Variants in PLEKHG5 observed in about 807,000 individuals in gnomAD.
PLEKHG5 encodes the protein pleckstrin homology and RhoGEF domain containing G5.
A neutral mutation model predicts 103.8 loss-of-function variants in PLEKHG5; 52 were observed. That is an observed-to-expected ratio of 0.50 (90% CI 0.40 to 0.63). The LOEUF is 0.63. PLEKHG5 is among the 30% of genes least tolerant of loss of function. The probability of loss-of-function intolerance (pLI) is 0.00; values close to 1 mark genes in which losing one functional copy is unlikely to be tolerated. For synonymous variants in PLEKHG5, 592 were observed against 575.5 expected (o/e 1.03, Z -0.41); for missense variants, 1,205 against 1,347.6 (o/e 0.89, Z 1.66).
Position 6,491,154 on chromosome 1 carries a change from G to T in PLEKHG5, c.-88+483C>A, listed in dbSNP as rs1327754543. On this transcript the variant is annotated intron_variant, in intron 1 of 20. Coordinates refer to ENST00000377728, the MANE Select transcript of PLEKHG5 (RefSeq NM_020631.6). The surrounding 1 kb of genome is among the most constrained non-coding windows in gnomAD (Gnocchi z 4.1). ...AAAGGGTGCTGTTCTGCCATTTAGT[G>T]GTTCCCAGTTCCCCTCTCCCAGCAG... Among the ~76,000 whole-genome samples, 1 of 151,734 alleles carries T rather than the reference G, an allele frequency of 6.6e-6. No homozygotes were observed. The highest frequency in any genetic ancestry group is 2.4e-5 in the African/African-American group (1 of 41,260).
chr1:6,474,376 A>C (rs1376978963), intron 6 of PLEKHG5, 75 bp downstream of exon 6: 1 of 1,564,936 alleles, frequency 6.4e-7, no homozygotes, highest in Non-Finnish European at 8.8e-7. Flanking sequence ...TGGGAACCTG[A>C]GCCTGGGAAG....
upstream of PLEKHG5, among the ~76,000 whole-genome samples, chr1:6,500,240 GAGTC>G (rs1374908377): frequency 1.3e-5 from 2 of 152,198 alleles, no homozygotes; most frequent in Non-Finnish European, 2.9e-5. Flanking sequence ...AGTCCACTGA[GAGTC>G]AGTCCAAATA....
upstream of PLEKHG5, chr1:6,496,907 A>G: frequency 7.0e-7 from 1 of 1,437,562 alleles, no homozygotes; most frequent in African/African-American, 1.5e-5. Context: ...GGGTCCCGGC[A>G]GGGCTGCTGG....
rs1382090823 is a variant in PLEKHG5 at position 6,483,211 on chromosome 1, C to A, written c.-87-5553G>T. 4.6e-5 allele frequency among the ~76,000 whole-genome samples: 7 copies of A among 152,330 alleles called. No homozygotes were observed. In the East Asian group the frequency reaches 1.3e-3, roughly 29 times the overall value. ...CAGGACTGGCAGTCGGCAGGTGGCACTCCAAGCAGGCCCACGTGCTCAGGG... is the reference window on the plus strand; with the variant it reads ...CAGGACTGGCAGTCGGCAGGTGGCAATCCAAGCAGGCCCACGTGCTCAGGG... On this transcript the variant is annotated intron_variant, in intron 1 of 20. Transcript: ENST00000377728.
chr1:6,519,468 C>G, exon 1 of PLEKHG5: 1 of 1,613,918 alleles, frequency 6.2e-7, no homozygotes, highest in Non-Finnish European at 8.5e-7. Flanking sequence ...AAGGCTGAGC[C>G]AGCTTCGAGG....
At position 6,487,332 on chromosome 1, in the gene PLEKHG5, C is replaced by T. The variant is rs759650571; in HGVS notation, c.-88+4305G>A. ...GTTTCGCCATGTTGACCAGGCTGGT[C>T]ACTAACTCCTGATCTCAAGTGATCC... On this transcript the variant is annotated intron_variant, in intron 1 of 20. Transcript: ENST00000377728. The surrounding 1 kb of genome is among the most constrained non-coding windows in gnomAD (Gnocchi z 4.1). Among the ~76,000 whole-genome samples, 1 of 152,164 alleles carries T rather than the reference C, an allele frequency of 6.6e-6. No homozygotes were observed. The highest frequency in any genetic ancestry group is 1.5e-5 in the Non-Finnish European group (1 of 68,032).
intron 1 of PLEKHG5, chr1:6,519,330 G>T: frequency 1.2e-6 from 1 of 845,380 alleles, no homozygotes; most frequent in Non-Finnish European, 2.1e-6. Context: ...TAAACCGTCC[G>T]GACTAATTCA....
rs1644590334 is a variant in PLEKHG5 at position 6,471,598 on chromosome 1, C to T, written c.1171G>A (p.Ala391Thr). 1 of 1,596,084 alleles carries T rather than the reference C, an allele frequency of 6.3e-7. No individual in the cohort carries two copies. The highest frequency in any genetic ancestry group is 8.5e-7 in the Non-Finnish European group (1 of 1,172,378). ...GCCCACAGCCTGCGGTGCAGCTGCG[C>T]GATCTCCGGGATGTTGCTGAACAGG... ...ERLFSNIPEIAQLHRRLWASV... is the reference protein window; with the variant it reads ...ERLFSNIPEITQLHRRLWASV... Residue 391 changes from alanine (A) to threonine (T), a missense_variant, in exon 12 of 21, where the codon GCG (alanine) becomes ACG (threonine). Transcript: ENST00000377728.
intron 1 of PLEKHG5, among the ~76,000 whole-genome samples, chr1:6,516,711 G>A (rs1020577936): frequency 3.3e-5 from 5 of 150,606 alleles, no homozygotes; most frequent in African/African-American, 1.2e-4. Flanking sequence ...CAAGTTTTTT[G>A]TACTGGCATA....
In PLEKHG5 at chr1:6,486,544, C is replaced by A. The variant is rs1014959775; in HGVS notation, c.-88+5093G>T. On this transcript the variant is annotated intron_variant, in intron 1 of 20. Coordinates refer to ENST00000377728, the MANE Select transcript of PLEKHG5 (RefSeq NM_020631.6). The surrounding 1 kb of genome is among the most constrained non-coding windows in gnomAD (Gnocchi z 5.3). ...TGCTCTGAGAGGCTATCCTTGGCAG[C>A]CCCCAGGAGCTGGGTGAGGTGGAGG... is the stretch of plus-strand genomic sequence containing the variant. Among the ~76,000 whole-genome samples the A allele has an allele frequency of 1.3e-5, 2 of 152,174 alleles. No individual in the cohort carries two copies. The highest frequency in any genetic ancestry group is 2.9e-5 in the Non-Finnish European group (2 of 68,022).
rs778401436 is a variant in PLEKHG5 at position 6,470,520 on chromosome 1, C to T, written c.1666G>A (p.Asp556Asn). The T allele has an allele frequency of 2.5e-6, 4 of 1,609,824 alleles. No individual in the cohort carries two copies. Among genetic ancestry groups the T allele is most frequent in the South Asian group, 1.1e-5 (1 of 91,076 alleles). Residue 556 changes from aspartate to asparagine, a missense_variant, in exon 15 of 21, where the codon GAC (aspartate) becomes AAC (asparagine). Asp to Asn is a conservative substitution (Grantham distance 23). Coordinates refer to ENST00000377728, the MANE Select transcript of PLEKHG5 (RefSeq NM_020631.6). ...CACACGCCCACCTTGTCCACTTCGT[C>T]GCTGCTGCTTTCCACCACCTCGTAG... is the stretch of plus-strand genomic sequence containing the variant. ...DAYEVVESSS[D>N]EVDKLLKEFL...
At chr1:6,499,391 G>A (rs1274483935), upstream of PLEKHG5, among the ~76,000 whole-genome samples, 4 of 152,088 alleles carry the variant, frequency 2.6e-5, no homozygotes, top group Admixed American at 6.5e-5. Flanking sequence ...TGAACTCTCC[G>A]GCCTCTGACC....
At chr1:6,519,622 T>C in exon 1 of PLEKHG5, 1 of 827,466 alleles carries the variant, frequency 1.2e-6, no homozygotes, top group Non-Finnish European at 2.1e-6. Context: ...CCAGTTGCCA[T>C]CTCAACATGG....
chr1:6,475,270 C>G (rs1557748637), intron 4 of PLEKHG5, 132 bp from the exon 5 acceptor site: 1 of 640,958 alleles, frequency 1.6e-6, no homozygotes, highest in Non-Finnish European at 2.8e-6. Flanking sequence ...CCTTCCCAAC[C>G]CTCCTCCCCA....
chr1:6,495,739 G>A (rs1405152250), upstream of PLEKHG5, among the ~76,000 whole-genome samples: 2 of 152,174 alleles, frequency 1.3e-5, no homozygotes, highest in Non-Finnish European at 2.9e-5. Flanking sequence ...TCCAAACCCC[G>A]GCTCCATCTC....
chr1:6,478,172 C>T (rs182469673), intron 1 of PLEKHG5, among the ~76,000 whole-genome samples: 22 of 152,304 alleles, frequency 1.4e-4, no homozygotes, highest in African/African-American at 4.6e-4. Flanking sequence ...GCGTGAGCCA[C>T]CGCGCCCGGC....
At chr1:6,500,969 G>A (rs557310515), upstream of PLEKHG5, among the ~76,000 whole-genome samples, 51 of 152,364 alleles carry the variant, frequency 3.3e-4, no homozygotes, top group African/African-American at 7.9e-4. Context: ...GCCTCGGGGC[G>A]CGGGCAGAAC....
intron 1 of PLEKHG5, among the ~76,000 whole-genome samples, chr1:6,517,942 TA>T (rs1212947249): frequency 1.3e-5 from 2 of 152,090 alleles, no homozygotes; most frequent in East Asian, 1.9e-4. Context: ...TATATACATA[TA>T]TTTTTTTGAG....
chr1:6,470,768 C>T lies in PLEKHG5; in HGVS notation c.1509G>A (p.Glu503=), dbSNP rs1318135832. 1 of 1,565,924 alleles carries T rather than the reference C, an allele frequency of 6.4e-7. No individual in the cohort carries two copies. Among genetic ancestry groups the T allele is most frequent in the Non-Finnish European group, 8.6e-7 (1 of 1,156,682 alleles). Residue 503 remains glutamate (E), a synonymous_variant, in exon 14 of 21, where the codon GAG becomes GAA. Coordinates refer to ENST00000377728, the MANE Select transcript of PLEKHG5 (RefSeq NM_020631.6). ...LLLKSVLRKT[E]EPRAKEAVVA... ...CGACGGCCTCCTTGGCGCGCGGCTC[C>T]TCGGTCTTCCTCAGCACCGACTTGA... is the stretch of plus-strand genomic sequence containing the variant.
Sources: gnomAD v4.1 joint callset for allele counts (sites outside exome capture counted in the v4.1 genomes callset) on GRCh38, gnomAD v4.1.1 for gene constraint, Gnocchi (gnomAD v3.1) non-coding constraint, MANE v1.5 for transcripts, NCBI Gene and HGNC (gene_info 2026-07-23, HGNC 2026-07-21) for gene names.